The following OR9Q1 variants were observed in gnomAD, a reference collection of about 807,000 sequenced individuals.
The protein encoded by OR9Q1 is olfactory receptor family 9 subfamily Q member 1, also known as olfactory receptor 9Q1.
For synonymous variants in OR9Q1, 153 were observed against 148.6 expected (o/e 1.03, Z -0.22); for missense variants, 374 against 378.8 (o/e 0.99, Z 0.11).
rs142892411 is a variant in OR9Q1, at chr11:58,038,180, T to A, written c.-93+14076T>A. On this transcript the variant is annotated intron_variant, in intron 1 of 2. Transcript: ENST00000335397. ...ACTGGGAAAAACCCAGTTTTGTGAA[T>A]GTGATTATTTACATTACAAATTAAA... 1.0e-3 allele frequency among the ~76,000 whole-genome samples: 159 copies of A among 152,266 alleles called. 2 individuals carry two copies. Among genetic ancestry groups the A allele is most frequent in the African/African-American group, 3.3e-3 (139 of 41,550 alleles).
intron 1 of OR9Q1, chr11:58,030,868 G>T (rs999657866): frequency 3.7e-6 from 3 of 818,758 alleles, no homozygotes; most frequent in Non-Finnish European, 4.1e-6. Context: ...AGGCATTTTA[G>T]TACAACATCC....
In OR9Q1 at chr11:58,134,604, G is replaced by A. The variant is rs557709564; in HGVS notation, c.-14-44827G>A. 4.1e-4 allele frequency among the ~76,000 whole-genome samples: 62 copies of A among 152,220 alleles called. 1 individual carries two copies. The highest frequency in any genetic ancestry group is 1.2e-3 in the African/African-American group (48 of 41,548). ...GGAAGGAGAAGTGTAAGAGATTTAG[G>A]GTCAGCACTTGAGCAGACTTTATAT... On this transcript the variant is annotated intron_variant, in intron 2 of 2. Transcript: ENST00000335397.
chr11:58,071,097 A>G (rs7117711), intron 2 of OR9Q1, among the ~76,000 whole-genome samples: 38,637 of 152,068 alleles, frequency 0.25, 5,446 homozygotes, highest in East Asian at 0.58. Context: ...TCCAGCAGCA[A>G]TTGGGAGAAG....
chr11:58,096,142 T>G lies in OR9Q1; in HGVS notation c.-15+40195T>G, dbSNP rs1443645631. The stretch of plus-strand genomic sequence containing the variant: ...TCCCTCATTTTCTCTCTCTCTCTCT[T>G]CCTTTCCCTTTTTTTTTTTTTTCAG... On this transcript the variant is annotated intron_variant, in intron 2 of 2. Coordinates refer to ENST00000335397, the MANE Select transcript of OR9Q1 (RefSeq NM_001005212.4). Among the ~76,000 whole-genome samples, 4 of 145,986 alleles carry G rather than the reference T, an allele frequency of 2.7e-5. No homozygotes were observed. In the East Asian group the frequency reaches 9.0e-4, roughly 33 times the overall value.
At chr11:58,138,048 G>T (rs1300041298) in intron 2 of OR9Q1, among the ~76,000 whole-genome samples, 4 of 152,154 alleles carry the variant, frequency 2.6e-5, no homozygotes, top group Non-Finnish European at 5.9e-5. Flanking sequence ...TTTAGTGGCA[G>T]CACCCACACT....
chr11:58,054,927 C>A (rs1853312970), intron 1 of OR9Q1, among the ~76,000 whole-genome samples: 1 of 152,142 alleles, frequency 6.6e-6, no homozygotes, highest in African/African-American at 2.4e-5. Context: ...TTGTCTCAAA[C>A]AACAACAAGA....
chr11:58,039,647 T>A (rs909322913), intron 1 of OR9Q1, among the ~76,000 whole-genome samples: 1 of 152,214 alleles, frequency 6.6e-6, no homozygotes, highest in African/African-American at 2.4e-5. Context: ...CAGTCACCTG[T>A]CCTCATTTAC....
At chr11:58,123,140 A>G (rs1004690702) in intron 2 of OR9Q1, among the ~76,000 whole-genome samples, 2 of 152,184 alleles carry the variant, frequency 1.3e-5, no homozygotes, top group Non-Finnish European at 1.5e-5. Flanking sequence ...TTGGGAGATT[A>G]ATTTGTCTAA....
At chr11:58,128,119 A>G (rs899921499) in intron 2 of OR9Q1, among the ~76,000 whole-genome samples, 1 of 152,034 alleles carries the variant, frequency 6.6e-6, no homozygotes, top group South Asian at 2.1e-4. Flanking sequence ...GCATCACTAG[A>G]TATTATGAAA....
At chr11:58,101,487 C>T (rs1853782967) in intron 2 of OR9Q1, among the ~76,000 whole-genome samples, 2 of 152,144 alleles carry the variant, frequency 1.3e-5, no homozygotes, top group African/African-American at 4.8e-5. Context: ...AGATTATTTA[C>T]TTTTACTTCT....
intron 1 of OR9Q1, chr11:58,047,184 C>T (rs1853225443): frequency 6.6e-6 from 1 of 152,206 alleles, no homozygotes; most frequent in Admixed American, 6.5e-5. Flanking sequence ...TGAACAGCCT[C>T]AAAGTTGTGT....
chr11:58,080,934 A>G (rs908464315), intron 2 of OR9Q1, among the ~76,000 whole-genome samples: 1 of 152,148 alleles, frequency 6.6e-6, no homozygotes, highest in Non-Finnish European at 1.5e-5. Flanking sequence ...TGTCATTTAC[A>G]TTAGGTATTT....
intron 2 of OR9Q1, among the ~76,000 whole-genome samples, chr11:58,169,305 C>A (rs1854533859): frequency 6.6e-6 from 1 of 152,054 alleles, no homozygotes; most frequent in Non-Finnish European, 1.5e-5. Context: ...TCTTGGTGAG[C>A]TCTTTGGATC....
chr11:58,096,870 A>G (rs940993958), intron 2 of OR9Q1, among the ~76,000 whole-genome samples: 2 of 152,038 alleles, frequency 1.3e-5, no homozygotes, highest in African/African-American at 4.8e-5. Context: ...TGGCTGGCTA[A>G]TTTTTGTATT....
At chr11:58,063,432 C>A (rs754211062) in intron 2 of OR9Q1, among the ~76,000 whole-genome samples, 22 of 152,092 alleles carry the variant, frequency 1.4e-4, no homozygotes, top group Admixed American at 1.2e-3. Context: ...TTTATTTAAT[C>A]TTAAGGATTT....
At chr11:58,164,114 G>T (rs74330776) in intron 2 of OR9Q1, among the ~76,000 whole-genome samples, 2 of 152,186 alleles carry the variant, frequency 1.3e-5, no homozygotes, top group Non-Finnish European at 2.9e-5. Context: ...GGAGCCTGCA[G>T]ACAGAGGATA....
At chr11:58,149,410 T>C (rs1023846457) in intron 2 of OR9Q1, among the ~76,000 whole-genome samples, 1 of 152,172 alleles carries the variant, frequency 6.6e-6, no homozygotes, top group Non-Finnish European at 1.5e-5. Context: ...AAAAATTTCC[T>C]CTTGATTGTT....
At chr11:58,122,850 A>G (rs1426345027) in intron 2 of OR9Q1, among the ~76,000 whole-genome samples, 1 of 152,160 alleles carries the variant, frequency 6.6e-6, no homozygotes, top group East Asian at 1.9e-4. Flanking sequence ...ATATTAAAAT[A>G]TAGTGGCTGT....
chr11:58,061,578 C>A (rs1853380756), intron 2 of OR9Q1, among the ~76,000 whole-genome samples: 1 of 152,214 alleles, frequency 6.6e-6, no homozygotes, highest in Admixed American at 6.5e-5. Context: ...CAAGCCAGTG[C>A]CCTTCATTGT....
Sources: allele counts gnomAD v4.1 joint callset (sites outside exome capture counted in the v4.1 genomes callset), GRCh38; gene constraint gnomAD v4.1.1; transcripts MANE v1.5; gene names NCBI Gene and HGNC (gene_info 2026-07-23, HGNC 2026-07-21).